Variants in LEPROT observed in about 807,000 individuals in gnomAD.
LEPROT encodes leptin receptor overlapping transcript, also known as leptin receptor gene-related protein.
Under a neutral mutation model 15.4 loss-of-function variants are expected in LEPROT, and 3 were observed. The ratio of observed to expected loss-of-function variants is 0.19; its 90% CI spans 0.09 to 0.50. LEPROT has a LOEUF of 0.50. LEPROT is among the 20% of genes least tolerant of loss of function. The pLI, the probability that LEPROT is intolerant of heterozygous loss-of-function variation, is 0.97. For synonymous variants in LEPROT, 59 were observed against 57.5 expected, an observed-to-expected ratio of 1.03 and a Z score of -0.12; for missense variants, 137 against 162.2, an observed-to-expected ratio of 0.84 and a Z score of 0.84.
intron 1 of LEPROT, chr1:65,421,402 T>TATAC: frequency 6.5e-7 from 1 of 1,536,140 alleles, no homozygotes; most frequent in Non-Finnish European, 8.7e-7. Context: ...CCCTTATCTG[T>TATAC]ATGGCTTCAG....
At chr1:65,425,032 C>T (rs1646331941) in intron 1 of LEPROT, among the ~76,000 whole-genome samples, 1 of 152,036 alleles carries the variant, frequency 6.6e-6, no homozygotes, top group Non-Finnish European at 1.5e-5. Context: ...GAATTTGGGA[C>T]CTTTTTTTCT....
rs148696149 is a variant in LEPROT at position 65,433,559 on chromosome 1, A to G, written c.*1640A>G. The G allele has an allele frequency of 1.3e-3, 1,246 of 984,948 alleles. 16 individuals carry two copies. In the African/African-American group the frequency reaches 0.021, roughly 16 times the overall value. 61.0% of individuals were successfully genotyped at this position (984,948 alleles called of 1,614,324 possible). A position where few individuals can be genotyped will look rare whatever the true frequency, so the allele number is the denominator to read the frequency against. ...CTTGAGGCTTGTGATCTGAGTAATT[A>G]GCAGGTATGATGCTGGGACTGGAAA... On this transcript the variant is annotated 3_prime_UTR_variant, in exon 4 of 4. Transcript: ENST00000371065.
At chr1:65,422,296 G>A (rs1393277650) in intron 1 of LEPROT, among the ~76,000 whole-genome samples, 2 of 152,172 alleles carry the variant, frequency 1.3e-5, no homozygotes, top group Non-Finnish European at 2.9e-5. Context: ...GACAGAAATT[G>A]GAGTGATGCA....
rs1646503488 is a variant in LEPROT, at chr1:65,432,723, GA to G, written c.*805del. On this transcript the variant is annotated 3_prime_UTR_variant, in exon 4 of 4. Transcript: ENST00000371065. Reference sequence around the variant, plus strand: ...AGCCTCAGTTAGGAGGAATAAGTGTGATTTTTTTTTAAAGATCACTTGCACA... The same window carrying G: ...AGCCTCAGTTAGGAGGAATAAGTGTGTTTTTTTTTAAAGATCACTTGCACA... The G allele has an allele frequency of 3.7e-6, 3 of 800,338 alleles. No homozygotes were observed. The highest frequency in any genetic ancestry group is 2.5e-4 in the East Asian group (2 of 7,990). The allele number at this position is 800,338 out of a possible 1,614,324, so 49.6% of individuals were successfully genotyped here.
In LEPROT at chr1:65,431,868, G is replaced by A. The variant is rs1570436051; in HGVS notation, c.345G>A (p.Gly115=). ...CAGTCATTTTCCTTACAATTCAAGGGTTTTTCCTTATATTTGGAAGAGGAG... is the reference window on the plus strand; with the variant it reads ...CAGTCATTTTCCTTACAATTCAAGGATTTTTCCTTATATTTGGAAGAGGAG... ...GNAVIFLTIQ[G]FFLIFGRGDD... is the part of the protein sequence containing the mutation. The change falls in exon 4 of 4, where the codon GGG becomes GGA. Residue 115 remains glycine, a synonymous_variant. Coordinates refer to ENST00000371065, the MANE Select transcript of LEPROT (RefSeq NM_017526.5). 1.9e-6 allele frequency: 3 copies of A among 1,614,024 alleles called. No individual in the cohort carries two copies. The highest frequency in any genetic ancestry group is 2.5e-6 in the Non-Finnish European group (3 of 1,180,010).
rs778574377 is a variant in LEPROT, at chr1:65,429,905, C to G, written c.136C>G (p.Pro46Ala). Residue 46 changes from proline to alanine, a missense_variant, in exon 3 of 4, where the codon CCC becomes GCC. Coordinates refer to ENST00000371065, the MANE Select transcript of LEPROT (RefSeq NM_017526.5). The stretch of plus-strand genomic sequence containing the variant: ...CGTCCTGATTTTCCACGCCATCTCC[C>G]CCATCCCCCATTTCATTGCCAAAAG... ...LFVLIFHAIS[P>A]IPHFIAKRVT... The G allele has an allele frequency of 6.5e-7, 1 of 1,538,510 alleles. No homozygotes were observed. The highest frequency in any genetic ancestry group is 1.2e-5 in the South Asian group (1 of 82,004).
At position 65,435,989 on chromosome 1, in the gene LEPROT, C is replaced by G. The variant is rs571795866; in HGVS notation, c.*4070C>G. Reference sequence around the variant, plus strand: ...GAGGACGATTACTTTGTAAATAAAACTTGTTATTGACATTTTAACAAAGGC... The same window carrying G: ...GAGGACGATTACTTTGTAAATAAAAGTTGTTATTGACATTTTAACAAAGGC... On this transcript the variant is annotated 3_prime_UTR_variant, in exon 4 of 4. Transcript: ENST00000371065. 1.9e-3 allele frequency: 1,853 copies of G among 983,990 alleles called. 3 individuals are homozygous for G. The highest frequency in any genetic ancestry group is 2.1e-3 in the Non-Finnish European group (1,738 of 828,768). 61.0% of individuals were successfully genotyped at this position (983,990 alleles called of 1,614,324 possible).
At chr1:65,422,335 T>TTGGCAACCATGCTGGCAACCATGC (rs144053797) in intron 1 of LEPROT, among the ~76,000 whole-genome samples, 3 of 150,988 alleles carry the variant, frequency 2.0e-5, no homozygotes, top group Admixed American at 1.3e-4. Context: ...CCAAAGATTG[T>TTGGCAACCATGCTGGCAACCATGC]TGGCAACCAT....
At chr1:65,421,278 C>T (rs1482921536) in intron 1 of LEPROT, 5 of 1,478,758 alleles carry the variant, frequency 3.4e-6, no homozygotes, top group Admixed American at 2.3e-5. Context: ...GAGTAGATTA[C>T]GTGTAATTTT....
intron 1 of LEPROT, among the ~76,000 whole-genome samples, chr1:65,422,043 G>A (rs2101666894): frequency 6.6e-6 from 1 of 152,268 alleles, no homozygotes; most frequent in Non-Finnish European, 1.5e-5. Context: ...GTTTATGTTG[G>A]GCTCAGATGC....
Position 65,431,935 on chromosome 1 carries a change from A to G in LEPROT, c.*16A>G, listed in dbSNP as rs759450327. On this transcript the variant is annotated 3_prime_UTR_variant, in exon 4 of 4. Coordinates refer to ENST00000371065, the MANE Select transcript of LEPROT (RefSeq NM_017526.5). Reference sequence around the variant, plus strand: ...GCAGTGGTAGCACTTTATTCTGATTACAGTGCATTGAATTTCTTAGAACTC... The same window carrying G: ...GCAGTGGTAGCACTTTATTCTGATTGCAGTGCATTGAATTTCTTAGAACTC... The G allele has an allele frequency of 2.5e-6, 4 of 1,609,078 alleles. No homozygotes were observed. The African/African-American group carries it at 5.4e-5, about 22-fold the overall frequency.
Position 65,435,275 on chromosome 1 carries a change from T to C in LEPROT, c.*3356T>C. The C allele has an allele frequency of 1.0e-6, 1 of 985,100 alleles. No individual in the cohort carries two copies. The allele number at this position is 985,100 out of a possible 1,614,324, so 61.0% of individuals were successfully genotyped here. On this transcript the variant is annotated 3_prime_UTR_variant, in exon 4 of 4. Coordinates refer to ENST00000371065, the MANE Select transcript of LEPROT (RefSeq NM_017526.5). The stretch of plus-strand genomic sequence containing the variant: ...AGGTATCTCCTCAATGAATACTGTT[T>C]TCAAGGCTGAAATAGTTCATTATGT...
rs1322677485 is a variant in LEPROT at position 65,435,299 on chromosome 1, G to A, written c.*3380G>A. The A allele has an allele frequency of 2.0e-6, 2 of 983,822 alleles. No individual in the cohort carries two copies. The highest frequency in any genetic ancestry group is 1.8e-5 in the African/African-American group (1 of 56,746). The allele number at this position is 983,822 out of a possible 1,614,324, so 60.9% of individuals were successfully genotyped here. A position where few individuals can be genotyped will look rare whatever the true frequency, so the allele number is the denominator to read the frequency against. On this transcript the variant is annotated 3_prime_UTR_variant, in exon 4 of 4. Transcript: ENST00000371065. Reference sequence around the variant, plus strand: ...TTTCAAGGCTGAAATAGTTCATTATGTTAATAACCTTCTTTATGTTCTCAG... The same window carrying A: ...TTTCAAGGCTGAAATAGTTCATTATATTAATAACCTTCTTTATGTTCTCAG...
chr1:65,429,667 C>T (rs913808259), intron 2 of LEPROT, among the ~76,000 whole-genome samples, 195 bp from the exon 3 acceptor site: 1 of 152,084 alleles, frequency 6.6e-6, no homozygotes, highest in African/African-American at 2.4e-5. Flanking sequence ...ATATAAGCTA[C>T]CTACATAGTA....
At chr1:65,431,494 T>A (rs113916187) in intron 3 of LEPROT, among the ~76,000 whole-genome samples, 3 of 152,346 alleles carry the variant, frequency 2.0e-5, no homozygotes, top group African/African-American at 7.2e-5. Context: ...GTACCCAATA[T>A]TGTAATTGCA....
intron 2 of LEPROT, among the ~76,000 whole-genome samples, chr1:65,429,007 T>C (rs114270433): frequency 0.01 from 1,595 of 152,302 alleles, 36 homozygotes; most frequent in African/African-American, 0.037. Flanking sequence ...TTTATTATTT[T>C]ATTCATTTAA....
Position 65,433,349 on chromosome 1 carries a change from A to C in LEPROT, c.*1430A>C, listed in dbSNP as rs1047944827. 1 of 985,422 alleles carries C rather than the reference A, an allele frequency of 1.0e-6. No homozygotes were observed. Among genetic ancestry groups the C allele is most frequent in the South Asian group, 4.7e-5 (1 of 21,290 alleles). The allele number at this position is 985,422 out of a possible 1,614,324, so 61.0% of individuals were successfully genotyped here. A position where few individuals can be genotyped will look rare whatever the true frequency, so the allele number is the denominator to read the frequency against. ...TTCTATATAACTTTATGCCACCCTT[A>C]AATGAATCATTGGGTATACCTGTCA... On this transcript the variant is annotated 3_prime_UTR_variant, in exon 4 of 4. Transcript: ENST00000371065.
intron 1 of LEPROT, among the ~76,000 whole-genome samples, chr1:65,423,037 A>G (rs1354254274): frequency 4.6e-5 from 7 of 152,156 alleles, no homozygotes. Context: ...ATTCATTGGA[A>G]GGTGGAATGC....
In LEPROT at chr1:65,432,267, T is replaced by C; in HGVS notation, c.*348T>C. 1 of 1,003,156 alleles carries C rather than the reference T, an allele frequency of 1.0e-6. No individual in the cohort carries two copies. The highest frequency in any genetic ancestry group is 1.2e-6 in the Non-Finnish European group (1 of 841,230). The allele number at this position is 1,003,156 out of a possible 1,614,324, so 62.1% of individuals were successfully genotyped here. ...ATGTGCTTGGAGAGGCAGATAACGC[T>C]GAAGCAGGCCTCTCATGACCCAGGA... On this transcript the variant is annotated 3_prime_UTR_variant, in exon 4 of 4. Coordinates refer to ENST00000371065, the MANE Select transcript of LEPROT (RefSeq NM_017526.5).
Sources: allele counts gnomAD v4.1 joint callset (sites outside exome capture counted in the v4.1 genomes callset), GRCh38; gene constraint gnomAD v4.1.1; transcripts MANE v1.5; gene names NCBI Gene and HGNC (gene_info 2026-07-23, HGNC 2026-07-21).